The following OTOGL variants were observed in gnomAD, a reference collection of about 807,000 sequenced individuals.
OTOGL encodes otogelin like, also known as otogelin-like protein.
Under a neutral mutation model 318.5 loss-of-function variants are expected in OTOGL, and 285 were observed. The observed-to-expected ratio is 0.89, with a 90% CI of 0.81 to 0.99. The LOEUF (loss-of-function observed/expected upper bound fraction) is 0.99. Among genes scored for constraint, OTOGL ranks in the 50% least tolerant of loss-of-function variants. The pLI is 0.00. For missense variants in OTOGL, 2,899 were observed against 2,845.6 expected, an observed-to-expected ratio of 1.02 and a Z score of -0.43; for synonymous variants, 987 against 936.5, an observed-to-expected ratio of 1.05 and a Z score of -0.99.
chr12:80,172,587 C>T (rs1248588510), intron 1 of OTOGL, among the ~76,000 whole-genome samples: 1 of 151,244 alleles, frequency 6.6e-6, no homozygotes, highest in Admixed American at 6.6e-5. Flanking sequence ...TTTCCTTTTT[C>T]TATCTGATTT....
chr12:80,342,308 CTTAT>C lies in OTOGL; in HGVS notation c.5265+148_5265+151del. On this transcript the variant is annotated intron_variant, in intron 44 of 58. Coordinates refer to ENST00000547103, the MANE Select transcript of OTOGL (RefSeq NM_001378609.3). ...CAGTATGCTTTGGAATTCAGAATCA[CTTAT>C]TGTTTACAGGCTTACAAACACAAGA... 4 of 620,864 alleles carry C rather than the reference CTTAT, an allele frequency of 6.4e-6. No homozygotes were observed. In the South Asian group the frequency reaches 9.2e-5, roughly 14 times the overall value. 38.5% of individuals were successfully genotyped at this position (620,864 alleles called of 1,614,324 possible).
chr12:80,360,756 A>G (rs1331735085), intron 52 of OTOGL, among the ~76,000 whole-genome samples: 1 of 152,084 alleles, frequency 6.6e-6, no homozygotes, highest in Admixed American at 6.6e-5. Flanking sequence ...CTGGGATTAC[A>G]GGTGTGAGCC....
chr12:80,318,212 CCTT>C (rs1354112926), intron 32 of OTOGL, among the ~76,000 whole-genome samples: 1 of 151,962 alleles, frequency 6.6e-6, no homozygotes, highest in Non-Finnish European at 1.5e-5. Flanking sequence ...TCTTTTTTCT[CCTT>C]CTTCAGCATG....
intron 7 of OTOGL, among the ~76,000 whole-genome samples, chr12:80,225,940 T>C (rs1878800104): frequency 6.6e-6 from 1 of 152,084 alleles, no homozygotes; most frequent in Non-Finnish European, 1.5e-5. Context: ...TGGTGAAAGA[T>C]TTCATCCCAG....
intron 1 of OTOGL, among the ~76,000 whole-genome samples, chr12:80,144,766 T>C (rs1214418889): frequency 6.6e-6 from 1 of 152,192 alleles, no homozygotes; most frequent in African/African-American, 2.4e-5. Flanking sequence ...TGTGAGATGG[T>C]ATCTCATTGT....
rs148831633 is a variant in OTOGL at position 80,222,618 on chromosome 12, C to A, written c.489+373C>A. Among the ~76,000 whole-genome samples, 929 of 152,208 alleles carry A rather than the reference C, an allele frequency of 6.1e-3. 11 individuals carry two copies. The highest frequency in any genetic ancestry group is 0.022 in the African/African-American group (894 of 41,544). On this transcript the variant is annotated intron_variant, in intron 7 of 58. Coordinates refer to ENST00000547103, the MANE Select transcript of OTOGL (RefSeq NM_001378609.3). ...AGAATTAATTCTTAGTTGCAGAATT[C>A]TTGATTCAAATGAATTCTTAGGAGA... is the stretch of plus-strand genomic sequence containing the variant.
chr12:80,283,171 C>T (rs1213151392), intron 26 of OTOGL, among the ~76,000 whole-genome samples: 2 of 151,962 alleles, frequency 1.3e-5, no homozygotes, highest in East Asian at 1.9e-4. Context: ...ATATTTCTGA[C>T]TCAAGTTCAT....
intron 50 of OTOGL, 137 bp from the exon 51 acceptor site, chr12:80,358,534 C>A: frequency 1.2e-6 from 1 of 822,392 alleles, no homozygotes. Context: ...CAACACATGG[C>A]AATCTGACGG....
chr12:80,266,328 G>A lies in OTOGL; in HGVS notation c.2225-123G>A. ...TGCTCTTTGAGCATCCAAGTTAAGG[G>A]TCTCCCAATTCCTTGCCTTGTAACA... On this transcript the variant is annotated intron_variant, in intron 20 of 58. Transcript: ENST00000547103. 8 of 981,482 alleles carry A rather than the reference G, an allele frequency of 8.2e-6. No homozygotes were observed. In the South Asian group the frequency reaches 1.1e-4, roughly 14 times the overall value. The allele number at this position is 981,482 out of a possible 1,614,324, so 60.8% of individuals were successfully genotyped here. A position where few individuals can be genotyped will look rare whatever the true frequency, so the allele number is the denominator to read the frequency against.
At chr12:80,340,073 A>G (rs184867344) in intron 43 of OTOGL, among the ~76,000 whole-genome samples, 189 of 152,314 alleles carry the variant, frequency 1.2e-3, no homozygotes, top group Non-Finnish European at 2.0e-3. Context: ...TAAACACAAC[A>G]CATAAATACA....
Position 80,219,802 on chromosome 12 carries a change from TTTC to T in OTOGL, c.236-11_236-9del. On this transcript the variant is annotated splice_polypyrimidine_tract_variant and intron_variant, in intron 5 of 58. Coordinates refer to ENST00000547103, the MANE Select transcript of OTOGL (RefSeq NM_001378609.3). ...TGCCAGAAGATAACTTTTTTTTTTT[TTTC>T]CCCCTCAGGTTCTTGTCCTTATGAA... 6.6e-7 allele frequency: 1 copy of T among 1,523,960 alleles called. No individual in the cohort carries two copies. Among genetic ancestry groups the T allele is most frequent in the Non-Finnish European group, 8.9e-7 (1 of 1,118,292 alleles). The allele number at this position is 1,523,960 out of a possible 1,614,324, so 94.4% of individuals were successfully genotyped here.
rs1439682975 is a variant in OTOGL, at chr12:80,147,817, G to T, written c.-20+48212G>T. On this transcript the variant is annotated intron_variant, in intron 1 of 58. Coordinates refer to ENST00000547103, the MANE Select transcript of OTOGL (RefSeq NM_001378609.3). ...CCCTTTACCATTATATAATGGCCTT[G>T]TTTGTCTCTTTTGATCTTTATTGGT... 4.6e-5 allele frequency among the ~76,000 whole-genome samples: 7 copies of T among 152,052 alleles called. No homozygotes were observed. The East Asian group carries it at 1.2e-3, about 25-fold the overall frequency.
At chr12:80,193,574 C>T (rs1391364835) in intron 1 of OTOGL, among the ~76,000 whole-genome samples, 2 of 152,044 alleles carry the variant, frequency 1.3e-5, no homozygotes, top group African/African-American at 4.8e-5. Flanking sequence ...AATATCCATT[C>T]TTTGATGAAG....
At chr12:80,358,808 TA>T in intron 51 of OTOGL, 33 bp downstream of exon 51, 1 of 1,559,884 alleles carries the variant, frequency 6.4e-7, no homozygotes. Flanking sequence ...GGTTTCATTA[TA>T]ATAAGTTAAT....
intron 4 of OTOGL, among the ~76,000 whole-genome samples, chr12:80,213,961 A>G (rs1877481688): frequency 6.6e-6 from 1 of 152,182 alleles, no homozygotes; most frequent in African/African-American, 2.4e-5. Flanking sequence ...GTTGGCAATG[A>G]GGTGAGCAAG....
At chr12:80,336,352 C>A (rs1406358638) in intron 39 of OTOGL, 61 bp from the exon 40 acceptor site, 2 of 1,459,546 alleles carry the variant, frequency 1.4e-6, no homozygotes, top group East Asian at 2.4e-5. Flanking sequence ...TTTAAAAGAG[C>A]AATTATTACT....
At chr12:80,158,660 G>T (rs1393397300) in intron 1 of OTOGL, among the ~76,000 whole-genome samples, 1 of 151,970 alleles carries the variant, frequency 6.6e-6, no homozygotes, top group Non-Finnish European at 1.5e-5. Flanking sequence ...TTGCAGAGCT[G>T]CTGATTTGTG....
chr12:80,321,690 T>C (rs1469333294), intron 34 of OTOGL, among the ~76,000 whole-genome samples: 1 of 152,214 alleles, frequency 6.6e-6, no homozygotes. Context: ...GCCAGAATTC[T>C]GCAAGGGTTC....
chr12:80,243,353 A>G (rs1218724051), intron 11 of OTOGL, among the ~76,000 whole-genome samples: 2 of 152,254 alleles, frequency 1.3e-5, no homozygotes, highest in African/African-American at 4.8e-5. Context: ...GGATGAAAGG[A>G]AAATCAATCA....
Sources: allele counts gnomAD v4.1 joint callset (sites outside exome capture counted in the v4.1 genomes callset), GRCh38; gene constraint gnomAD v4.1.1; transcripts MANE v1.5; gene names NCBI Gene and HGNC (gene_info 2026-07-23, HGNC 2026-07-21).